Variants in IQGAP1 observed in about 807,000 individuals in gnomAD.
The protein encoded by IQGAP1 is ras GTPase-activating-like protein IQGAP1.
In IQGAP1, 66 loss-of-function variants were observed where a neutral mutation model predicts 215.6. The ratio of observed to expected loss-of-function variants is 0.31; its 90% CI spans 0.25 to 0.38. The LOEUF (loss-of-function observed/expected upper bound fraction) is 0.38. IQGAP1 is among the 10% of genes least tolerant of loss of function. The probability of loss-of-function intolerance (pLI) is 1.00; values close to 1 mark genes in which losing one functional copy is unlikely to be tolerated. For synonymous variants in IQGAP1, 772 were observed against 728.7 expected, an observed-to-expected ratio of 1.06 and a Z score of -0.96; for missense variants, 1,712 against 1,997.1, an observed-to-expected ratio of 0.86 and a Z score of 2.72.
rs972166575 is a variant in IQGAP1 at position 90,501,409 on chromosome 15, T to G, written c.*1301T>G. ...CACTTTAAAAAAAAAAAAAACTTTT[T>G]CCAGGAAAATATATTGAAATCATGC... On this transcript the variant is annotated 3_prime_UTR_variant, in exon 38 of 38. Coordinates refer to ENST00000268182, the MANE Select transcript of IQGAP1 (RefSeq NM_003870.4). 1 of 152,062 alleles carries G rather than the reference T, an allele frequency of 6.6e-6. No individual in the cohort carries two copies. The highest frequency in any genetic ancestry group is 2.4e-5 in the African/African-American group (1 of 41,424). 9.4% of individuals were successfully genotyped at this position (152,062 alleles called of 1,614,324 possible).
intron 14 of IQGAP1, among the ~76,000 whole-genome samples, chr15:90,455,628 A>G (rs979925171): frequency 1.3e-5 from 2 of 152,228 alleles, no homozygotes; most frequent in Admixed American, 6.5e-5. Context: ...GAAATATTCA[A>G]CTGACTTGGT....
chr15:90,475,856 C>T (rs1965972724), intron 23 of IQGAP1: 1 of 151,904 alleles, frequency 6.6e-6, no homozygotes. Context: ...ATTTCACCTA[C>T]CCCAGTCATT....
intron 15 of IQGAP1, among the ~76,000 whole-genome samples, chr15:90,461,177 A>G (rs1965756763): frequency 6.6e-6 from 1 of 151,726 alleles, no homozygotes; most frequent in East Asian, 1.9e-4. Context: ...GCGTGGTGGC[A>G]GGCACCTGTA....
Position 90,440,512 on chromosome 15 carries a change from C to T in IQGAP1, c.546C>T (p.Ile182=). 6.4e-7 allele frequency: 1 copy of T among 1,561,516 alleles called. No homozygotes were observed. Among genetic ancestry groups the T allele is most frequent in the Non-Finnish European group, 8.7e-7 (1 of 1,150,792 alleles). ...AATTCCCTCCTGTAGAAGAAGAAAT[C>T]AACAACATGAAGACTGAGTTGGAGA... ...YGKVDFTEEE[I]NNMKTELEKY... Residue 182 remains isoleucine, a synonymous_variant, in exon 7 of 38, where the codon ATC becomes ATT. Coordinates refer to ENST00000268182, the MANE Select transcript of IQGAP1 (RefSeq NM_003870.4).
intron 18 of IQGAP1, 111 bp from the exon 19 acceptor site, chr15:90,472,729 T>C (rs1304635641): frequency 3.9e-6 from 4 of 1,013,874 alleles, no homozygotes; most frequent in African/African-American, 3.2e-5. Flanking sequence ...TGATCTAGTA[T>C]AGACTTAGGA....
chr15:90,439,353 C>A lies in IQGAP1; in HGVS notation c.489C>A (p.Gly163=), dbSNP rs1175122850. Residue 163 remains glycine, a synonymous_variant, in exon 6 of 38, where the codon GGC becomes GGA. Coordinates refer to ENST00000268182, the MANE Select transcript of IQGAP1 (RefSeq NM_003870.4). ...HALSLYLFKL[G]LAPQIQDLYG... is the part of the protein sequence containing the mutation. Reference sequence around the variant, plus strand: ...CTAGTTTGTACCTGTTCAAGCTAGGCCTGGCCCCTCAGATTCAAGACCTAT... The same window carrying A: ...CTAGTTTGTACCTGTTCAAGCTAGGACTGGCCCCTCAGATTCAAGACCTAT... 6.2e-7 allele frequency: 1 copy of A among 1,613,070 alleles called. No individual in the cohort carries two copies. Among genetic ancestry groups the A allele is most frequent in the East Asian group, 2.2e-5 (1 of 44,848 alleles).
chr15:90,411,925 T>A (rs1964972051), intron 2 of IQGAP1, among the ~76,000 whole-genome samples: 1 of 152,170 alleles, frequency 6.6e-6, no homozygotes, highest in Non-Finnish European at 1.5e-5. Flanking sequence ...TATTGGAGTT[T>A]AATACACATC....
chr15:90,418,584 G>C (rs911877954), intron 2 of IQGAP1, among the ~76,000 whole-genome samples: 11 of 131,702 alleles, frequency 8.4e-5, no homozygotes, highest in African/African-American at 2.8e-4. Flanking sequence ...GCGAGACACT[G>C]TCTCAAAAAA....
chr15:90,439,255 A>G, intron 5 of IQGAP1, 77 bp from the exon 6 acceptor site: 1 of 988,892 alleles, frequency 1.0e-6, no homozygotes. Context: ...TTTATACTTC[A>G]TGCTGATTTT....
At chr15:90,389,078 A>G (rs537078474) in intron 1 of IQGAP1, among the ~76,000 whole-genome samples, 8 of 152,238 alleles carry the variant, frequency 5.3e-5, no homozygotes, top group South Asian at 2.1e-4. Flanking sequence ...TTTATTTTAT[A>G]TTGTGGGAAT....
chr15:90,439,072 A>G (rs1965411665), intron 5 of IQGAP1, among the ~76,000 whole-genome samples: 1 of 151,778 alleles, frequency 6.6e-6, no homozygotes, highest in South Asian at 2.1e-4. Flanking sequence ...CGGGACTTTA[A>G]TTTGTGCCTA....
chr15:90,482,825 A>T, intron 28 of IQGAP1: 1 of 610,128 alleles, frequency 1.6e-6, no homozygotes, highest in Non-Finnish European at 2.1e-6. Context: ...TCTGTGGAAG[A>T]GATGTGTGTT....
rs567309037 is a variant in IQGAP1 at position 90,500,099 on chromosome 15, C to T, written c.4965C>T (p.Tyr1655=). Residue 1655 remains tyrosine (Y), a synonymous_variant, in exon 38 of 38, where the codon TAC becomes TAT. Transcript: ENST00000268182. ...LLIFLLNKKF[Y]GK ...TCTTCCTTCTCAACAAAAAGTTCTA[C>T]GGGAAGTAATTGATCGTTTGCTGCC... is the stretch of plus-strand genomic sequence containing the variant. 2.8e-5 allele frequency: 44 copies of T among 1,586,464 alleles called. No homozygotes were observed. Among genetic ancestry groups the T allele is most frequent in the East Asian group, 1.3e-4 (6 of 44,724 alleles).
At position 90,484,413 on chromosome 15, in the gene IQGAP1, C is replaced by T. The variant is rs149602169; in HGVS notation, c.3921+61C>T. The T allele has an allele frequency of 1.2e-4, 170 of 1,392,638 alleles. 1 individual carries two copies. The African/African-American group carries it at 2.2e-3, about 18-fold the overall frequency. The allele number at this position is 1,392,638 out of a possible 1,614,324, so 86.3% of individuals were successfully genotyped here. A position where few individuals can be genotyped will look rare whatever the true frequency, so the allele number is the denominator to read the frequency against. ...CCTTAATTATTATCCCTGGCTGCTG[C>T]TTATCATCTCTGGTAGCCAGGTGTC... On this transcript the variant is annotated intron_variant, in intron 30 of 37. Coordinates refer to ENST00000268182, the MANE Select transcript of IQGAP1 (RefSeq NM_003870.4).
chr15:90,466,475 C>T, intron 17 of IQGAP1, 39 bp downstream of exon 17: 3 of 1,600,006 alleles, frequency 1.9e-6, no homozygotes, highest in South Asian at 1.1e-5. Context: ...CTGAAGCTAA[C>T]CCTTGAGTAT....
chr15:90,465,321 T>G (rs1432262837), intron 15 of IQGAP1, among the ~76,000 whole-genome samples: 1 of 152,180 alleles, frequency 6.6e-6, no homozygotes, highest in African/African-American at 2.4e-5. Flanking sequence ...CAAAGGAGGC[T>G]TTCAAATAAG....
In IQGAP1 at chr15:90,448,588, C is replaced by T. The variant is rs1369201160; in HGVS notation, c.929C>T (p.Ala310Val). The T allele has an allele frequency of 3.1e-6, 5 of 1,589,916 alleles. No homozygotes were observed. The highest frequency in any genetic ancestry group is 4.3e-6 in the Non-Finnish European group (5 of 1,168,488). ...TTTTCCTCAGCATTTTCTGCATTAGCAAATATCGACCTGGCTTTAGAACAA... is the reference window on the plus strand; with the variant it reads ...TTTTCCTCAGCATTTTCTGCATTAGTAAATATCGACCTGGCTTTAGAACAA... Reference protein sequence around the residue: ...INKVNTFSALANIDLALEQGD... With the variant: ...INKVNTFSALVNIDLALEQGD... Residue 310 changes from alanine to valine, a missense_variant, in exon 10 of 38, where the codon GCA becomes GTA. This residue lies in a region of IQGAP1 where 1,021 missense variants were observed against 1,074.2 expected (regional missense o/e 0.95). Coordinates refer to ENST00000268182, the MANE Select transcript of IQGAP1 (RefSeq NM_003870.4).
At chr15:90,455,575 C>T (rs1265816995) in intron 14 of IQGAP1, among the ~76,000 whole-genome samples, 1 of 152,104 alleles carries the variant, frequency 6.6e-6, no homozygotes, top group Non-Finnish European at 1.5e-5. Context: ...CCTAAGATAC[C>T]TGGGGAGTGA....
At chr15:90,449,980 A>G (rs1965578698) in intron 11 of IQGAP1, among the ~76,000 whole-genome samples, 1 of 152,206 alleles carries the variant, frequency 6.6e-6, no homozygotes, top group Non-Finnish European at 1.5e-5. Flanking sequence ...TTTGTCACCT[A>G]ACGCATTTAT....
Sources: allele counts gnomAD v4.1 joint callset (sites outside exome capture counted in the v4.1 genomes callset), GRCh38; gene constraint gnomAD v4.1.1; regional missense constraint gnomAD v4.1.1; transcripts MANE v1.5; gene names NCBI Gene and HGNC (gene_info 2026-07-23, HGNC 2026-07-21).